Variants in MGST1 observed in about 807,000 individuals in gnomAD.
The protein encoded by MGST1 is glutathione S-transferase 12.
In MGST1, 5 loss-of-function variants were observed where a neutral mutation model predicts 8.9. That is an observed-to-expected ratio of 0.56 (90% CI 0.29 to 1.19). The LOEUF (loss-of-function observed/expected upper bound fraction) is 1.19, where lower values mean the gene tolerates loss of function less well. Ranked by LOEUF, MGST1 falls within the 50% of genes most tolerant of loss-of-function variation. MGST1 has a pLI of 0.08. For synonymous variants in MGST1, 54 were observed against 67.8 expected, an observed-to-expected ratio of 0.80 and a Z score of 1.00; for missense variants, 182 against 187.4, an observed-to-expected ratio of 0.97 and a Z score of 0.17.
chr12:16,469,093 T>G (rs778853087), intron 4 of MGST1, among the ~76,000 whole-genome samples: 1 of 152,218 alleles, frequency 6.6e-6, no homozygotes, highest in African/African-American at 2.4e-5. Flanking sequence ...TCCATTTTAT[T>G]TGAGTGAGAT....
At position 16,356,485 on chromosome 12, in the gene MGST1, C is replaced by T. The variant is rs144444548; in HGVS notation, c.127-1120C>T. ...TGGGCAGTATCCCAGCCCTGTGCAT[C>T]GGTTCTCTTCAACATCTTTATCTCT... On this transcript the variant is annotated intron_variant, in intron 2 of 3. Transcript: ENST00000396210. Among the ~76,000 whole-genome samples, 365 of 152,066 alleles carry T rather than the reference C, an allele frequency of 2.4e-3. 1 individual carries two copies. The highest frequency in any genetic ancestry group is 8.4e-3 in the African/African-American group (350 of 41,472).
chr12:16,484,967 C>T (rs545127066), intron 4 of MGST1, among the ~76,000 whole-genome samples: 1 of 152,344 alleles, frequency 6.6e-6, no homozygotes, highest in African/African-American at 2.4e-5. Flanking sequence ...TCATCTCTCA[C>T]TTTTCAATCC....
downstream of MGST1, among the ~76,000 whole-genome samples, chr12:16,442,133 G>A (rs185515789): frequency 1.2e-3 from 177 of 151,734 alleles, no homozygotes; most frequent in African/African-American, 3.9e-3. The surrounding 1 kb of genome is among the most constrained non-coding windows in gnomAD (Gnocchi z 4.5). Context: ...TGTCTGTTCC[G>A]ATCTTTTGCC....
At position 16,513,371 on chromosome 12, in the gene MGST1, A is replaced by G. The variant is rs1250551550; in HGVS notation, n.483-76157A>G. On this transcript the variant is annotated intron_variant and non_coding_transcript_variant, in intron 4 of 4. Coordinates refer to the MGST1 transcript ENST00000538857. The surrounding 1 kb of genome is among the most constrained non-coding windows in gnomAD (Gnocchi z 4.2). ...CCTCTGCTCCGTCCTGCGTCTGCCCACTGCCCTCCTACCGTCCACCATGGC... is the reference window on the plus strand; with the variant it reads ...CCTCTGCTCCGTCCTGCGTCTGCCCGCTGCCCTCCTACCGTCCACCATGGC... The G allele has an allele frequency of 1.4e-5, 5 of 363,444 alleles. No individual in the cohort carries two copies. Among genetic ancestry groups the G allele is most frequent in the East Asian group, 1.5e-4 (2 of 13,714 alleles). 22.5% of individuals were successfully genotyped at this position (363,444 alleles called of 1,614,324 possible). A position where few individuals can be genotyped will look rare whatever the true frequency, so the allele number is the denominator to read the frequency against.
At chr12:16,542,742 C>T (rs981788363) in intron 4 of MGST1, among the ~76,000 whole-genome samples, 1 of 152,206 alleles carries the variant, frequency 6.6e-6, no homozygotes, top group Non-Finnish European at 1.5e-5. Context: ...TTGTCTCTCC[C>T]CGAGGCCACC....
intron 1 of MGST1, among the ~76,000 whole-genome samples, chr12:16,398,597 T>C (rs563094023): frequency 2.8e-4 from 43 of 152,338 alleles, no homozygotes; most frequent in Non-Finnish European, 1.9e-4. Context: ...CTTCTATCAT[T>C]GTACCATGTG....
At chr12:16,550,987 C>CA (rs746652509) in intron 4 of MGST1, 7 of 412,442 alleles carry the variant, frequency 1.7e-5, no homozygotes, top group East Asian at 6.9e-5. Context: ...GAATAGCAAG[C>CA]AAAAAAATCC....
intron 4 of MGST1, among the ~76,000 whole-genome samples, chr12:16,484,393 A>C (rs1239862045): frequency 6.6e-6 from 1 of 151,006 alleles, no homozygotes. Flanking sequence ...ACGATAAAGA[A>C]TCTGTTTTTT....
chr12:16,436,185 T>A (rs1940985527), intron 1 of MGST1, among the ~76,000 whole-genome samples: 1 of 151,990 alleles, frequency 6.6e-6, no homozygotes. Context: ...ATATTTGCAC[T>A]GAAGAAATGA....
chr12:16,370,867 G>A (rs903284627), intron 3 of MGST1, among the ~76,000 whole-genome samples: 1 of 152,170 alleles, frequency 6.6e-6, no homozygotes, highest in South Asian at 2.1e-4. Context: ...ATATCAAGAT[G>A]TGGAAATAAT....
At chr12:16,570,703 A>G (rs553494661) in intron 4 of MGST1, among the ~76,000 whole-genome samples, 72 of 152,308 alleles carry the variant, frequency 4.7e-4, no homozygotes, top group African/African-American at 1.7e-3. Context: ...CTGGACTGCA[A>G]TGCAAAACTC....
intron 1 of MGST1, among the ~76,000 whole-genome samples, chr12:16,404,795 C>G (rs11056919): frequency 0.023 from 3,498 of 152,238 alleles, 62 homozygotes; most frequent in Non-Finnish European, 0.037. Context: ...CTTTATCTTG[C>G]TCTTTATTTC....
chr12:16,431,736 G>A (rs1434359659), intron 1 of MGST1, among the ~76,000 whole-genome samples: 1 of 152,098 alleles, frequency 6.6e-6, no homozygotes, highest in African/African-American at 2.4e-5. Context: ...GTAACACAGA[G>A]GCAGGAAGTG....
intron 4 of MGST1, among the ~76,000 whole-genome samples, chr12:16,496,904 G>A (rs200005501): frequency 1.2e-4 from 19 of 152,126 alleles, no homozygotes; most frequent in African/African-American, 4.6e-4. Flanking sequence ...ACACAAACAA[G>A]AAGTCCTATA....
At position 16,364,104 on chromosome 12, in the gene MGST1, T is replaced by C; in HGVS notation, c.*63T>C. The C allele has an allele frequency of 2.6e-6, 4 of 1,515,038 alleles. No homozygotes were observed. The South Asian group carries it at 5.4e-5, about 21-fold the overall frequency. 93.8% of individuals were successfully genotyped at this position (1,515,038 alleles called of 1,614,324 possible). Reference sequence around the variant, plus strand: ...AGAATTCTGTACTTCCAATTTATAATGAATACTTTCTTAGATTTTAGGTAG... The same window carrying C: ...AGAATTCTGTACTTCCAATTTATAACGAATACTTTCTTAGATTTTAGGTAG... On this transcript the variant is annotated 3_prime_UTR_variant, in exon 4 of 4. Transcript: ENST00000396210. The surrounding 1 kb of genome is among the most constrained non-coding windows in gnomAD (Gnocchi z 5.7).
intron 1 of MGST1, among the ~76,000 whole-genome samples, chr12:16,386,522 C>G (rs1246217546): frequency 1.3e-5 from 2 of 152,212 alleles, no homozygotes; most frequent in Non-Finnish European, 2.9e-5. Flanking sequence ...TCCCAGCCTA[C>G]TCTCAATACT....
chr12:16,418,290 C>T (rs1300016626), intron 1 of MGST1, among the ~76,000 whole-genome samples: 2 of 152,158 alleles, frequency 1.3e-5, no homozygotes, highest in Admixed American at 6.6e-5. Context: ...GAAATTGAGA[C>T]AAGCTGATCT....
chr12:16,526,639 G>A (rs1440015422), intron 4 of MGST1, among the ~76,000 whole-genome samples: 1 of 151,910 alleles, frequency 6.6e-6, no homozygotes, highest in Non-Finnish European at 1.5e-5. Flanking sequence ...TGCCATAAAG[G>A]AATTTTGAGT....
chr12:16,480,142 CTTTT>C (rs57998683), intron 4 of MGST1, among the ~76,000 whole-genome samples: 1 of 129,930 alleles, frequency 7.7e-6, no homozygotes. Flanking sequence ...TAAAAATTTG[CTTTT>C]TTTTTTTTTT....
Sources: gnomAD v4.1 joint callset for allele counts (sites outside exome capture counted in the v4.1 genomes callset) on GRCh38, gnomAD v4.1.1 for gene constraint, Gnocchi (gnomAD v3.1) non-coding constraint, MANE v1.5 for transcripts, NCBI Gene and HGNC (gene_info 2026-07-23, HGNC 2026-07-21) for gene names.